The following TMEM63A variants were observed in gnomAD, a reference collection of about 807,000 sequenced individuals.
TMEM63A encodes mechanosensitive cation channel TMEM63A.
In TMEM63A, 76 loss-of-function variants were observed where a neutral mutation model predicts 100.6. The ratio of observed to expected loss-of-function variants is 0.76; its 90% CI spans 0.63 to 0.91. TMEM63A has a LOEUF of 0.91. Ranked by LOEUF, TMEM63A falls within the 40% of genes least tolerant of loss-of-function variation. TMEM63A has a pLI of 0.00. For missense variants in TMEM63A, 876 were observed against 1,008.8 expected, an observed-to-expected ratio of 0.87 and a Z score of 1.78; for synonymous variants, 401 against 401.1, an observed-to-expected ratio of 1.00 and a Z score of 0.00.
At chr1:225,863,117 A>G (rs144436934) in intron 10 of TMEM63A, 21,792 of 439,118 alleles carry the variant, frequency 0.05, 864 homozygotes, top group East Asian at 0.16. Context: ...ACAGTGGCAC[A>G]ATCATGGCTC....
chr1:225,857,727 C>T (rs556559514), intron 15 of TMEM63A, among the ~76,000 whole-genome samples: 1 of 152,130 alleles, frequency 6.6e-6, no homozygotes, highest in African/African-American at 2.4e-5. Context: ...TCTTCCTTTA[C>T]TTTAAAGAAA....
chr1:225,852,799 G>A (rs200115844), intron 19 of TMEM63A, 30 bp from the exon 20 acceptor site: 23 of 1,595,990 alleles, frequency 1.4e-5, no homozygotes, highest in Non-Finnish European at 1.7e-5. Context: ...AGGAGCTCAT[G>A]GACTTGTTCC....
In TMEM63A at chr1:225,845,731, T is replaced by G. The variant is rs1668926799; in HGVS notation, c.*1208A>C. On this transcript the variant is annotated 3_prime_UTR_variant, in exon 25 of 25. Coordinates refer to ENST00000366835, the MANE Select transcript of TMEM63A (RefSeq NM_014698.3). Reference sequence around the variant, plus strand: ...AGACCAATGGCACCGCCCCCACCCCTCCCAGCGCAGGGGCAGCTTGGAGCA... The same window carrying G: ...AGACCAATGGCACCGCCCCCACCCCGCCCAGCGCAGGGGCAGCTTGGAGCA... 6.1e-6 allele frequency: 2 copies of G among 330,304 alleles called. No homozygotes were observed. Among genetic ancestry groups the G allele is most frequent in the Non-Finnish European group, 5.8e-6 (1 of 173,124 alleles). 20.5% of individuals were successfully genotyped at this position (330,304 alleles called of 1,614,324 possible). A position where few individuals can be genotyped will look rare whatever the true frequency, so the allele number is the denominator to read the frequency against.
In TMEM63A at chr1:225,846,679, C is replaced by T. The variant is rs182052830; in HGVS notation, c.*260G>A. 41 of 205,594 alleles carry T rather than the reference C, an allele frequency of 2.0e-4. No homozygotes were observed. Among genetic ancestry groups the T allele is most frequent in the Non-Finnish European group, 3.1e-4 (32 of 103,012 alleles). The allele number at this position is 205,594 out of a possible 1,614,324, so 12.7% of individuals were successfully genotyped here. Reference sequence around the variant, plus strand: ...CTCCCGGACTCATCAGTTTGGGGGGCGAAAAGTCCACCACATGGTCTTGGC... The same window carrying T: ...CTCCCGGACTCATCAGTTTGGGGGGTGAAAAGTCCACCACATGGTCTTGGC... On this transcript the variant is annotated 3_prime_UTR_variant, in exon 25 of 25. Coordinates refer to ENST00000366835, the MANE Select transcript of TMEM63A (RefSeq NM_014698.3).
At position 225,877,491 on chromosome 1, in the gene TMEM63A, G is replaced by C. The variant is rs72754986; in HGVS notation, c.90C>G (p.Ser30=). 337 of 1,614,204 alleles carry C rather than the reference G, an allele frequency of 2.1e-4. No individual in the cohort carries two copies. Among genetic ancestry groups the C allele is most frequent in the Non-Finnish European group, 2.7e-4 (313 of 1,180,040 alleles). The change falls in exon 3 of 25, where the codon TCC becomes TCG. Residue 30 remains serine, a synonymous_variant. Transcript: ENST00000366835. ...TGTTTTTGGCCGAGTTGTAGCAATA[G>C]GAGTCGTTGGGCCGGTCCCCGAGTC... ...QLGLGDRPND[S]YCYNSAKNST...
chr1:225,875,605 G>A (rs749967560), intron 3 of TMEM63A, among the ~76,000 whole-genome samples: 14 of 152,192 alleles, frequency 9.2e-5, no homozygotes, highest in Non-Finnish European at 2.1e-4. Flanking sequence ...GAGTCATGTT[G>A]TAGGAAAACC....
rs900800223 is a variant in TMEM63A, at chr1:225,853,941, C to G, written c.1635-150G>C. ...CATATTTGGGAAACACATCTGTGTG[C>G]CAAGCACCTTTCTAGGCACTGAGAA... On this transcript the variant is annotated intron_variant, in intron 18 of 24. Coordinates refer to ENST00000366835, the MANE Select transcript of TMEM63A (RefSeq NM_014698.3). This position sits in a 1 kb window ranked among gnomAD's most constrained non-coding sequence, Gnocchi z 4.0. The G allele has an allele frequency of 3.4e-5, 26 of 763,760 alleles. No homozygotes were observed. Among genetic ancestry groups the G allele is most frequent in the Non-Finnish European group, 5.0e-5 (25 of 500,044 alleles). The allele number at this position is 763,760 out of a possible 1,614,324, so 47.3% of individuals were successfully genotyped here. A position where few individuals can be genotyped will look rare whatever the true frequency, so the allele number is the denominator to read the frequency against.
intron 9 of TMEM63A, 43 bp downstream of exon 9, chr1:225,866,531 T>C (rs753093275): frequency 1.3e-6 from 2 of 1,577,728 alleles, no homozygotes; most frequent in African/African-American, 2.7e-5. Flanking sequence ...GACTCCCACC[T>C]GAGTCCCTCC....
intron 6 of TMEM63A, among the ~76,000 whole-genome samples, chr1:225,870,798 T>G (rs1309469738): frequency 2.0e-5 from 3 of 152,192 alleles, no homozygotes; most frequent in African/African-American, 7.2e-5. Flanking sequence ...ACTCTTGGGA[T>G]CCAGCTCAAT....
Position 225,877,516 on chromosome 1 carries a change from C to T in TMEM63A, c.65G>A (p.Gly22Glu). The T allele has an allele frequency of 6.2e-7, 1 of 1,614,182 alleles. No individual in the cohort carries two copies. Among genetic ancestry groups the T allele is most frequent in the Non-Finnish European group, 8.5e-7 (1 of 1,180,038 alleles). ...SKAVSIREQL[G>E]LGDRPNDSYC... The stretch of plus-strand genomic sequence containing the variant: ...GGAGTCGTTGGGCCGGTCCCCGAGT[C>T]CCAGCTGCTCCCTGATGGACACTGC... Residue 22 changes from glycine (G) to glutamate (E), a missense_variant, in exon 3 of 25, where the codon GGA (glycine) becomes GAA (glutamate). Physicochemically the swap from Gly to Glu is moderately conservative, Grantham distance 98. This residue lies in a region of TMEM63A where 43 missense variants were observed against 48.9 expected (regional missense o/e 0.88). Transcript: ENST00000366835.
intron 1 of TMEM63A, among the ~76,000 whole-genome samples, chr1:225,881,834 C>T (rs1671104600): frequency 6.6e-6 from 1 of 152,116 alleles, no homozygotes; most frequent in Admixed American, 6.5e-5. Context: ...AGCCTCCCTC[C>T]TCAGGACTCC....
Position 225,850,066 on chromosome 1 carries a change from G to GA in TMEM63A, c.1916dup (p.Leu640ProfsTer97). 1 of 1,614,200 alleles carries GA rather than the reference G, an allele frequency of 6.2e-7. No homozygotes were observed. The highest frequency in any genetic ancestry group is 1.1e-5 in the South Asian group (1 of 91,080). On this transcript the variant is annotated frameshift_variant, in exon 21 of 25. Coordinates refer to ENST00000366835, the MANE Select transcript of TMEM63A (RefSeq NM_014698.3). LOFTEE classifies it high-confidence loss of function. ...GCCGGTCCACCATGTGCTTGAGCAG[G>GA]ATGTAGATGAGGCCTGCAGGGGATG...
intron 10 of TMEM63A, among the ~76,000 whole-genome samples, chr1:225,863,402 T>C (rs955938630): frequency 1.3e-5 from 2 of 152,120 alleles, no homozygotes; most frequent in Admixed American, 6.6e-5. Flanking sequence ...TTATACCCAC[T>C]TGGCTTGGAA....
chr1:225,845,414 T>C (rs891812289), downstream of TMEM63A: 10 of 1,485,588 alleles, frequency 6.7e-6, no homozygotes, highest in African/African-American at 2.9e-5. Context: ...TTGGGGAAGA[T>C]ACCCCTTTTC....
intron 22 of TMEM63A, 144 bp from the exon 23 acceptor site, chr1:225,848,698 G>A: frequency 1.0e-6 from 1 of 958,180 alleles, no homozygotes; most frequent in Non-Finnish European, 1.6e-6. Flanking sequence ...AGGATGGGGT[G>A]GGGGAGTGCA....
intron 15 of TMEM63A, among the ~76,000 whole-genome samples, chr1:225,858,491 A>G (rs888362604): frequency 6.6e-6 from 1 of 151,688 alleles, no homozygotes; most frequent in Non-Finnish European, 1.5e-5. Flanking sequence ...CGCCCAGCTA[A>G]TTTTTGTATT....
At chr1:225,861,168 G>T in intron 13 of TMEM63A, 171 bp from the exon 14 acceptor site, 1 of 636,496 alleles carries the variant, frequency 1.6e-6, no homozygotes, top group Non-Finnish European at 2.4e-6. Flanking sequence ...AGCACAGTGT[G>T]TGGAGAATTT....
downstream of TMEM63A, among the ~76,000 whole-genome samples, chr1:225,842,651 C>G (rs976015794): frequency 6.6e-6 from 1 of 152,240 alleles, no homozygotes; most frequent in Non-Finnish European, 1.5e-5. Context: ...GTGAGGTGGC[C>G]TGGTGGGTTG....
rs56756041 is a variant in TMEM63A at position 225,853,589 on chromosome 1, A to AG, written c.1797+39dup. The AG allele has an allele frequency of 6.9e-3, 10,403 of 1,497,540 alleles. 602 individuals are homozygous for AG. The African/African-American group carries it at 0.13, about 19-fold the overall frequency. The allele number at this position is 1,497,540 out of a possible 1,614,324, so 92.8% of individuals were successfully genotyped here. A position where few individuals can be genotyped will look rare whatever the true frequency, so the allele number is the denominator to read the frequency against. ...TCGGGTCAGTGAAGGGGGACATGGG[A>AG]GGGAGTCAGAGGCACAGCCCTGGGC... On this transcript the variant is annotated intron_variant, in intron 19 of 24. Coordinates refer to ENST00000366835, the MANE Select transcript of TMEM63A (RefSeq NM_014698.3). The surrounding 1 kb of genome is among the most constrained non-coding windows in gnomAD (Gnocchi z 4.0).
Sources: gnomAD v4.1 joint callset for allele counts (sites outside exome capture counted in the v4.1 genomes callset) on GRCh38, gnomAD v4.1.1 for gene constraint, gnomAD v4.1.1 regional missense constraint, Gnocchi (gnomAD v3.1) non-coding constraint, MANE v1.5 for transcripts, NCBI Gene and HGNC (gene_info 2026-07-23, HGNC 2026-07-21) for gene names.